Variants in GRM5 observed in about 807,000 individuals in gnomAD.
The protein encoded by GRM5 is metabotropic glutamate receptor 5.
GRM5 carries 19 observed loss-of-function variants against 83.1 expected under a neutral mutation model. That is an observed-to-expected ratio of 0.23 (90% CI 0.16 to 0.34). The LOEUF is 0.34. GRM5 is among the 10% of genes least tolerant of loss of function. The probability of loss-of-function intolerance (pLI) is 1.00; values close to 1 mark genes in which losing one functional copy is unlikely to be tolerated. For missense variants in GRM5, 1,160 were observed against 1,588.3 expected (o/e 0.73, Z 4.58); for synonymous variants, 675 against 633.6 (o/e 1.07, Z -0.98).
At chr11:88,690,624 T>G (rs1195586843) in intron 3 of GRM5, among the ~76,000 whole-genome samples, 1 of 152,186 alleles carries the variant, frequency 6.6e-6, no homozygotes, top group East Asian at 1.9e-4. Context: ...TATTTTGGAT[T>G]TGATGTCACA....
At chr11:88,548,903 C>T (rs920527992) in intron 8 of GRM5, among the ~76,000 whole-genome samples, 63 of 152,262 alleles carry the variant, frequency 4.1e-4, no homozygotes, top group African/African-American at 1.5e-3. Context: ...TTGCTAAAAA[C>T]AAGCACCAAA....
chr11:88,511,755 C>T (rs1455102377), intron 9 of GRM5: 2 of 152,210 alleles, frequency 1.3e-5, no homozygotes, highest in Admixed American at 1.3e-4. Flanking sequence ...TCCCAGGTGT[C>T]CACTAGCTTC....
intron 3 of GRM5, among the ~76,000 whole-genome samples, chr11:88,787,413 C>T (rs1943094657): frequency 6.6e-6 from 1 of 151,958 alleles, no homozygotes; most frequent in Admixed American, 6.6e-5. Context: ...TGGTGGAGGC[C>T]ACACCATACA....
chr11:88,649,325 G>A (rs1391545161), intron 4 of GRM5, among the ~76,000 whole-genome samples: 3 of 136,034 alleles, frequency 2.2e-5, no homozygotes, highest in African/African-American at 8.2e-5. Flanking sequence ...ACATATATAT[G>A]TAATACATAT....
At chr11:88,553,736 A>G (rs919361269) in intron 8 of GRM5, among the ~76,000 whole-genome samples, 15 of 152,126 alleles carry the variant, frequency 9.9e-5, no homozygotes, top group African/African-American at 3.6e-4. Context: ...CTCAGAGCCA[A>G]CCTAGGGATG....
chr11:88,581,294 G>A (rs1045166804), intron 7 of GRM5, among the ~76,000 whole-genome samples: 12 of 152,132 alleles, frequency 7.9e-5, no homozygotes, highest in Admixed American at 6.5e-4. Flanking sequence ...TAATGCATAC[G>A]AAACTTTTTG....
intron 2 of GRM5, among the ~76,000 whole-genome samples, chr11:88,924,066 A>C (rs1483184284): frequency 6.6e-6 from 1 of 151,628 alleles, no homozygotes; most frequent in Non-Finnish European, 1.5e-5. Flanking sequence ...AATGTCACTA[A>C]TCATCAGGGA....
At chr11:89,007,059 A>C (rs1940550919) in intron 2 of GRM5, among the ~76,000 whole-genome samples, 1 of 152,152 alleles carries the variant, frequency 6.6e-6, no homozygotes, top group Non-Finnish European at 1.5e-5. Flanking sequence ...GGCCTCCCAA[A>C]GTGCTGGGAT....
intron 1 of GRM5, among the ~76,000 whole-genome samples, chr11:89,061,102 T>C (rs1941982304): frequency 6.6e-6 from 1 of 152,166 alleles, no homozygotes; most frequent in Admixed American, 6.5e-5. Context: ...TCAACATATA[T>C]AAAAAGTAGT....
At chr11:88,919,818 A>G (rs910784885) in intron 2 of GRM5, among the ~76,000 whole-genome samples, 2 of 152,092 alleles carry the variant, frequency 1.3e-5, no homozygotes, top group Non-Finnish European at 2.9e-5. Flanking sequence ...CCATGAATAA[A>G]TTAAAACAAA....
chr11:88,919,139 T>G (rs1945644040), intron 2 of GRM5, among the ~76,000 whole-genome samples: 1 of 145,660 alleles, frequency 6.9e-6, no homozygotes, highest in Admixed American at 6.9e-5. Context: ...ATATGCTGCC[T>G]TCAAGAAACA....
intron 2 of GRM5, among the ~76,000 whole-genome samples, chr11:88,867,040 C>T (rs1944681172): frequency 6.6e-6 from 1 of 151,926 alleles, no homozygotes; most frequent in African/African-American, 2.4e-5. Flanking sequence ...ATTTCTGAGG[C>T]CTCTATTCTG....
intron 2 of GRM5, among the ~76,000 whole-genome samples, chr11:88,854,902 T>C (rs1424717370): frequency 6.6e-6 from 1 of 152,028 alleles, no homozygotes; most frequent in East Asian, 1.9e-4. Context: ...TTTGTAATCA[T>C]AGGTAAATGC....
At chr11:88,568,178 G>A (rs1432961491) in intron 7 of GRM5, among the ~76,000 whole-genome samples, 186 bp from the exon 8 acceptor site, 1 of 152,134 alleles carries the variant, frequency 6.6e-6, no homozygotes, top group Non-Finnish European at 1.5e-5. Flanking sequence ...TGATATTACT[G>A]AACATGTACA....
intron 8 of GRM5, among the ~76,000 whole-genome samples, chr11:88,544,199 C>A (rs2135136757): frequency 6.6e-6 from 1 of 152,258 alleles, no homozygotes; most frequent in Admixed American, 6.5e-5. Flanking sequence ...AAATAAATTT[C>A]ATTTAAATAG....
At chr11:88,936,001 T>C (rs182052915) in intron 2 of GRM5, among the ~76,000 whole-genome samples, 108 of 152,032 alleles carry the variant, frequency 7.1e-4, no homozygotes, top group Middle Eastern at 3.4e-3. Context: ...TTTTGTCACA[T>C]ATTATTCTAC....
intron 2 of GRM5, among the ~76,000 whole-genome samples, chr11:88,951,896 T>C (rs531280772): frequency 6.6e-6 from 1 of 152,342 alleles, no homozygotes; most frequent in Non-Finnish European, 1.5e-5. Flanking sequence ...TTACTTCACT[T>C]CTCAAGCACG....
chr11:88,946,842 G>A (rs1938297980), intron 2 of GRM5, among the ~76,000 whole-genome samples: 1 of 152,036 alleles, frequency 6.6e-6, no homozygotes, highest in Admixed American at 6.6e-5. Flanking sequence ...CAGGGTTCAG[G>A]GAGAAAATGA....
At chr11:89,022,453 C>G (rs1259100356) in intron 2 of GRM5, among the ~76,000 whole-genome samples, 1 of 142,700 alleles carries the variant, frequency 7.0e-6, no homozygotes, top group Non-Finnish European at 1.5e-5. Context: ...CCAGCCTGGC[C>G]AATATGGTGA....
Sources: gnomAD v4.1 joint callset for allele counts (sites outside exome capture counted in the v4.1 genomes callset) on GRCh38, gnomAD v4.1.1 for gene constraint, MANE v1.5 for transcripts, NCBI Gene and HGNC (gene_info 2026-07-23, HGNC 2026-07-21) for gene names.